Variants in CACNA2D1 observed in about 807,000 individuals in gnomAD.
CACNA2D1 encodes voltage-dependent calcium channel subunit alpha-2/delta-1.
Under a neutral mutation model 171.5 loss-of-function variants are expected in CACNA2D1, and 53 were observed. That is an observed-to-expected ratio of 0.31 (90% confidence interval 0.25 to 0.39). The LOEUF (loss-of-function observed/expected upper bound fraction) is 0.39, where lower values mean the gene tolerates loss of function less well. CACNA2D1 is among the 10% of genes least tolerant of loss of function. CACNA2D1 has a pLI of 1.00. For missense variants in CACNA2D1, 903 were observed against 1,299.8 expected, an observed-to-expected ratio of 0.69 and a Z score of 4.69; for synonymous variants, 442 against 443.1, an observed-to-expected ratio of 1.00 and a Z score of 0.03.
chr7:82,163,102 T>A (rs1421660249), intron 4 of CACNA2D1, among the ~76,000 whole-genome samples: 2 of 152,024 alleles, frequency 1.3e-5, no homozygotes, highest in Non-Finnish European at 2.9e-5. Context: ...ACAAAAATTA[T>A]CTCTGGGAAT....
intron 4 of CACNA2D1, among the ~76,000 whole-genome samples, chr7:82,168,955 C>G (rs1465635709): frequency 6.6e-6 from 1 of 151,914 alleles, no homozygotes; most frequent in African/African-American, 2.4e-5. Context: ...TAAAACAGCA[C>G]CAAGGGTATT....
chr7:82,277,643 C>T (rs1171691301), intron 3 of CACNA2D1, among the ~76,000 whole-genome samples: 1 of 152,018 alleles, frequency 6.6e-6, no homozygotes, highest in Non-Finnish European at 1.5e-5. Flanking sequence ...TCAACCTCAA[C>T]CGGTTGTGTG....
At chr7:82,185,437 C>T (rs1283514868) in intron 3 of CACNA2D1, among the ~76,000 whole-genome samples, 1 of 134,988 alleles carries the variant, frequency 7.4e-6, no homozygotes, top group Non-Finnish European at 1.6e-5. Flanking sequence ...AAATAAATAT[C>T]AACAATGGAA....
intron 3 of CACNA2D1, among the ~76,000 whole-genome samples, chr7:82,199,336 T>C (rs1799178865): frequency 6.6e-6 from 1 of 152,048 alleles, no homozygotes; most frequent in African/African-American, 2.4e-5. Context: ...GAAAAGAAAA[T>C]GCCTTAGTGG....
At chr7:82,055,177 T>C (rs1805667686) in intron 10 of CACNA2D1, among the ~76,000 whole-genome samples, 1 of 152,196 alleles carries the variant, frequency 6.6e-6, no homozygotes, top group Non-Finnish European at 1.5e-5. Flanking sequence ...GAAGCACCCT[T>C]TGTACTAGGA....
At chr7:82,025,413 T>C (rs1485091248) in intron 12 of CACNA2D1, among the ~76,000 whole-genome samples, 1 of 151,672 alleles carries the variant, frequency 6.6e-6, no homozygotes, top group Non-Finnish European at 1.5e-5. Context: ...TTTGGGTCTA[T>C]TGTAAATGAG....
At chr7:82,208,453 C>G (rs1800228543) in intron 3 of CACNA2D1, among the ~76,000 whole-genome samples, 1 of 151,924 alleles carries the variant, frequency 6.6e-6, no homozygotes, top group Non-Finnish European at 1.5e-5. Context: ...TTCAAATAGC[C>G]TGAAATCAAA....
At chr7:82,173,208 T>C (rs555225125) in intron 3 of CACNA2D1, among the ~76,000 whole-genome samples, 1 of 152,206 alleles carries the variant, frequency 6.6e-6, no homozygotes, top group Non-Finnish European at 1.5e-5. Context: ...AGAAACAGAA[T>C]AACAGTGGCA....
intron 3 of CACNA2D1, among the ~76,000 whole-genome samples, chr7:82,323,520 G>A (rs144576342): frequency 1.8e-4 from 27 of 152,286 alleles, no homozygotes; most frequent in East Asian, 1.4e-3. Flanking sequence ...AGACGAGGCT[G>A]ACTGACTCAG....
chr7:82,319,506 C>T (rs1815546750), intron 3 of CACNA2D1, among the ~76,000 whole-genome samples: 1 of 152,024 alleles, frequency 6.6e-6, no homozygotes, highest in Non-Finnish European at 1.5e-5. Flanking sequence ...TTTGAAAATC[C>T]ACATTTTAAA....
At position 81,950,182 on chromosome 7, in the gene CACNA2D1, A is replaced by G. The variant is rs969647150; in HGVS notation, c.*210T>C. On this transcript the variant is annotated 3_prime_UTR_variant, in exon 39 of 39. Coordinates refer to ENST00000356860, the MANE Select transcript of CACNA2D1 (RefSeq NM_000722.4). Reference sequence around the variant, plus strand: ...TTTGCTTTGATGTTACACATAGATGATGCAGCATTCACACACGTTTAAGGA... The same window carrying G: ...TTTGCTTTGATGTTACACATAGATGGTGCAGCATTCACACACGTTTAAGGA... 2.6e-6 allele frequency: 2 copies of G among 773,088 alleles called. No homozygotes were observed. The highest frequency in any genetic ancestry group is 1.7e-5 in the African/African-American group (1 of 57,364). 47.9% of individuals were successfully genotyped at this position (773,088 alleles called of 1,614,324 possible).
At position 82,443,694 on chromosome 7, in the gene CACNA2D1, C is replaced by T. The variant is rs1255882683; in HGVS notation, c.-235G>A. 18 of 1,236,242 alleles carry T rather than the reference C, an allele frequency of 1.5e-5. No individual in the cohort carries two copies. Among genetic ancestry groups the T allele is most frequent in the Non-Finnish European group, 1.7e-5 (17 of 992,290 alleles). The allele number at this position is 1,236,242 out of a possible 1,614,324, so 76.6% of individuals were successfully genotyped here. A position where few individuals can be genotyped will look rare whatever the true frequency, so the allele number is the denominator to read the frequency against. ...CTAGCGTGCGTCGGCTGCTCCGCGC[C>T]GCGGCCGCCTTGCCTCCGCCGCCAT... On this transcript the variant is annotated 5_prime_UTR_variant, in exon 1 of 39. Coordinates refer to ENST00000356860, the MANE Select transcript of CACNA2D1 (RefSeq NM_000722.4).
chr7:82,271,980 A>T (rs1276760011), intron 3 of CACNA2D1, among the ~76,000 whole-genome samples: 2 of 152,142 alleles, frequency 1.3e-5, no homozygotes, highest in Non-Finnish European at 2.9e-5. Context: ...ATAATCCTAG[A>T]CAGTAGATAA....
Position 82,137,707 on chromosome 7 carries a change from T to TAAAAAAA in CACNA2D1, c.355-1038_355-1032dup, listed in dbSNP as rs1174278503. On this transcript the variant is annotated intron_variant, in intron 4 of 38. Transcript: ENST00000356860. ...TAATACAGTGAAACTCCGTCTCTAC[T>TAAAAAAA]AAAAAAAAAAAAAAAAAAAAAAATT... Among the ~76,000 whole-genome samples, 512 of 78,756 alleles carry TAAAAAAA rather than the reference T, an allele frequency of 6.5e-3. 35 individuals are homozygous for TAAAAAAA. Among genetic ancestry groups the TAAAAAAA allele is most frequent in the African/African-American group, 0.018 (329 of 18,712 alleles). The allele number at this position is 78,756 out of a possible 152,430, so 51.7% of individuals were successfully genotyped here.
intron 9 of CACNA2D1, 138 bp from the exon 10 acceptor site, chr7:82,060,665 T>A (rs1806768046): frequency 1.9e-6 from 1 of 512,946 alleles, no homozygotes; most frequent in Admixed American, 3.6e-5. Flanking sequence ...TGAAAATCAG[T>A]TTAAAAAGTT....
At chr7:82,392,481 G>A (rs1269909997) in intron 1 of CACNA2D1, among the ~76,000 whole-genome samples, 1 of 152,320 alleles carries the variant, frequency 6.6e-6, no homozygotes, top group African/African-American at 2.4e-5. Context: ...ATGGGTACAA[G>A]CCGTAATGCA....
intron 38 of CACNA2D1, among the ~76,000 whole-genome samples, chr7:81,955,980 A>ATTTTT (rs1164601123): frequency 1.4e-4 from 5 of 34,552 alleles, no homozygotes; most frequent in African/African-American, 2.3e-4. Flanking sequence ...ATATATATAT[A>ATTTTT]TTTTTTTTTT....
At chr7:82,397,421 T>C (rs2129451351) in intron 1 of CACNA2D1, among the ~76,000 whole-genome samples, 1 of 152,322 alleles carries the variant, frequency 6.6e-6, no homozygotes, top group East Asian at 1.9e-4. Flanking sequence ...TTCGTTTTTT[T>C]TCTTTGAATA....
chr7:82,394,898 C>T (rs1297449242), intron 1 of CACNA2D1, among the ~76,000 whole-genome samples: 1 of 152,046 alleles, frequency 6.6e-6, no homozygotes, highest in Admixed American at 6.6e-5. Context: ...AAATGTGCTG[C>T]CCCAGATGGA....
Sources: gnomAD v4.1 joint callset for allele counts (sites outside exome capture counted in the v4.1 genomes callset) on GRCh38, gnomAD v4.1.1 for gene constraint, MANE v1.5 for transcripts, NCBI Gene and HGNC (gene_info 2026-07-23, HGNC 2026-07-21) for gene names.